Variants in MERTK observed in about 807,000 individuals in gnomAD.
The protein encoded by MERTK is MER proto-oncogene, tyrosine kinase, also known as tyrosine-protein kinase Mer.
MERTK carries 69 observed loss-of-function variants against 99.3 expected under a neutral mutation model. The ratio of observed to expected loss-of-function variants is 0.70; its 90% CI spans 0.57 to 0.85. The LOEUF (loss-of-function observed/expected upper bound fraction) is 0.85. Ranked by LOEUF, MERTK falls within the 40% of genes least tolerant of loss-of-function variation. MERTK has a pLI of 0.00. For synonymous variants in MERTK, 426 were observed against 467.6 expected, an observed-to-expected ratio of 0.91 and a Z score of 1.15; for missense variants, 1,125 against 1,249.4, an observed-to-expected ratio of 0.90 and a Z score of 1.50.
intron 4 of MERTK, among the ~76,000 whole-genome samples, chr2:111,956,727 T>C (rs1031336156): frequency 6.6e-6 from 1 of 152,088 alleles, no homozygotes; most frequent in African/African-American, 2.4e-5. Flanking sequence ...TGGCGTGATC[T>C]CTACTCAATG....
intron 1 of MERTK, among the ~76,000 whole-genome samples, chr2:111,906,538 G>A (rs1430762795): frequency 1.3e-5 from 2 of 152,196 alleles, no homozygotes; most frequent in African/African-American, 2.4e-5. Flanking sequence ...TCACTGTGCC[G>A]CTTAGGGAAT....
At chr2:111,945,354 A>T (rs1290637665) in intron 3 of MERTK, among the ~76,000 whole-genome samples, 1 of 152,260 alleles carries the variant, frequency 6.6e-6, no homozygotes, top group African/African-American at 2.4e-5. Flanking sequence ...AAATAAGCTG[A>T]AGACTTCTTT....
At chr2:111,961,426 A>T (rs796965670) in intron 4 of MERTK, among the ~76,000 whole-genome samples, 7 of 152,124 alleles carry the variant, frequency 4.6e-5, no homozygotes, top group African/African-American at 1.7e-4. Context: ...AAGTGCTGGG[A>T]TTACAGGCAT....
intron 15 of MERTK, chr2:112,010,402 G>A (rs1677074750): frequency 3.9e-5 from 11 of 281,174 alleles, no homozygotes; most frequent in South Asian, 3.7e-4. Flanking sequence ...ACTATGGGAA[G>A]GCCATTGAAG....
chr2:111,909,874 T>G (rs1050181415), intron 1 of MERTK, among the ~76,000 whole-genome samples: 4 of 152,096 alleles, frequency 2.6e-5, no homozygotes, highest in African/African-American at 9.7e-5. Flanking sequence ...TGGAGGTTCC[T>G]CAAAAAACTA....
intron 8 of MERTK, among the ~76,000 whole-genome samples, chr2:111,984,345 A>G (rs1338989054): frequency 6.6e-6 from 1 of 152,182 alleles, no homozygotes; most frequent in Non-Finnish European, 1.5e-5. Context: ...CCCAGAAATC[A>G]TGTTGAGCCA....
chr2:111,962,104 A>G (rs1056307773), intron 4 of MERTK, among the ~76,000 whole-genome samples: 4 of 152,252 alleles, frequency 2.6e-5, no homozygotes, highest in African/African-American at 7.2e-5. Context: ...TATTTTCAAC[A>G]ATTTTATGAA....
chr2:111,991,311 C>T (rs954869235), intron 8 of MERTK, among the ~76,000 whole-genome samples: 11 of 152,110 alleles, frequency 7.2e-5, no homozygotes, highest in Non-Finnish European at 1.5e-4. Flanking sequence ...CTGCATCCTC[C>T]GTGTCCTGGG....
At chr2:112,027,707 C>CA (rs1174675607) in intron 18 of MERTK, among the ~76,000 whole-genome samples, 1 of 152,154 alleles carries the variant, frequency 6.6e-6, no homozygotes, top group Non-Finnish European at 1.5e-5. Context: ...TACAAAGTGA[C>CA]AATGACAGGG....
chr2:111,915,256 A>G (rs535528819), intron 1 of MERTK, among the ~76,000 whole-genome samples: 3 of 151,770 alleles, frequency 2.0e-5, no homozygotes, highest in Non-Finnish European at 4.4e-5. Context: ...GATATTAACA[A>G]TTTGTCTTCT....
intron 7 of MERTK, among the ~76,000 whole-genome samples, chr2:111,980,665 G>A (rs917276244): frequency 7.9e-5 from 12 of 152,006 alleles, no homozygotes; most frequent in Non-Finnish European, 4.4e-5. Context: ...TGACCCACCC[G>A]CCTCGGCCTC....
intron 2 of MERTK, among the ~76,000 whole-genome samples, chr2:111,944,072 G>A (rs1481092965): frequency 6.6e-6 from 1 of 152,144 alleles, no homozygotes; most frequent in East Asian, 1.9e-4. Flanking sequence ...GCCAAGGTGG[G>A]TGGATCCCCT....
chr2:111,934,428 G>A (rs998274285), intron 2 of MERTK, among the ~76,000 whole-genome samples: 2 of 152,280 alleles, frequency 1.3e-5, no homozygotes, highest in East Asian at 3.9e-4. Flanking sequence ...ACTGGTGTGA[G>A]ATGGTATCTC....
intron 8 of MERTK, among the ~76,000 whole-genome samples, chr2:111,986,085 G>A (rs996127529): frequency 5.5e-4 from 84 of 152,292 alleles, no homozygotes; most frequent in African/African-American, 1.9e-3. Context: ...TACCTATCAG[G>A]AAGCAGACTG....
At chr2:111,951,908 A>G (rs901603510) in intron 4 of MERTK, among the ~76,000 whole-genome samples, 1 of 152,048 alleles carries the variant, frequency 6.6e-6, no homozygotes, top group African/African-American at 2.4e-5. Flanking sequence ...AGATTTTTGT[A>G]TGTTTTATAA....
At chr2:111,911,346 A>G (rs1684243530) in intron 1 of MERTK, among the ~76,000 whole-genome samples, 1 of 152,086 alleles carries the variant, frequency 6.6e-6, no homozygotes, top group Non-Finnish European at 1.5e-5. Context: ...ATATGTAAAT[A>G]TACCATAGTT....
In MERTK at chr2:112,019,416, A is replaced by G. The variant is rs1677287057; in HGVS notation, c.2083A>G (p.Ile695Val). Reference sequence around the variant, plus strand: ...TCTTGTTTCCTCTATCATCTAGCATATTCCTCTGCAGACACTATTGAAGTT... The same window carrying G: ...TCTTGTTTCCTCTATCATCTAGCATGTTCCTCTGCAGACACTATTGAAGTT... ...YSRLETGPKH[I>V]PLQTLLKFMV... The change falls in exon 16 of 19, where the codon ATT becomes GTT. Residue 695 changes from isoleucine to valine, a missense_variant. Transcript: ENST00000295408. 1.2e-6 allele frequency: 2 copies of G among 1,607,824 alleles called. No individual in the cohort carries two copies. Among genetic ancestry groups the G allele is most frequent in the Non-Finnish European group, 1.7e-6 (2 of 1,174,426 alleles).
intron 2 of MERTK, chr2:111,940,862 A>C: frequency 1.3e-6 from 1 of 799,924 alleles, no homozygotes; most frequent in Non-Finnish European, 2.2e-6. Context: ...TTTTGAAAGA[A>C]CTCGGGCCAG....
intron 8 of MERTK, among the ~76,000 whole-genome samples, chr2:111,985,265 C>T (rs1238399909): frequency 6.6e-6 from 1 of 152,160 alleles, no homozygotes; most frequent in Admixed American, 6.5e-5. Context: ...GGACCCAATA[C>T]AGCAGCAGGA....
Sources: allele counts gnomAD v4.1 joint callset (sites outside exome capture counted in the v4.1 genomes callset), GRCh38; gene constraint gnomAD v4.1.1; transcripts MANE v1.5; gene names NCBI Gene and HGNC (gene_info 2026-07-23, HGNC 2026-07-21).